The following SDK1 variants were observed in gnomAD, a reference collection of about 807,000 sequenced individuals.
SDK1 encodes protein sidekick-1.
A neutral mutation model predicts 245.5 loss-of-function variants in SDK1; 157 were observed. That is an observed-to-expected ratio of 0.64 (90% CI 0.56 to 0.73). The LOEUF (loss-of-function observed/expected upper bound fraction) is 0.73, where lower values mean the gene tolerates loss of function less well. Among genes scored for constraint, SDK1 ranks in the 30% least tolerant of loss-of-function variants. SDK1 has a pLI of 0.00. For synonymous variants in SDK1, 1,647 were observed against 1,278.5 expected (o/e 1.29, Z -6.15); for missense variants, 3,583 against 3,002.3 (o/e 1.19, Z -4.52).
At position 3,514,043 on chromosome 7, in the gene SDK1, C is replaced by T. The variant is rs567328839; in HGVS notation, c.299-105037C>T. Among the ~76,000 whole-genome samples the T allele has an allele frequency of 3.9e-5, 6 of 152,146 alleles. No individual in the cohort carries two copies. In the South Asian group the frequency reaches 1.2e-3, roughly 32 times the overall value. ...TTATTCAGTCCACCATTGATAGGCA[C>T]CTAGGTTGATTCCATGTCTGTACTG... On this transcript the variant is annotated intron_variant, in intron 1 of 44. Coordinates refer to ENST00000404826, the MANE Select transcript of SDK1 (RefSeq NM_152744.4).
At chr7:4,051,059 A>G (rs1215915169) in intron 18 of SDK1, among the ~76,000 whole-genome samples, 3 of 141,262 alleles carry the variant, frequency 2.1e-5, no homozygotes, top group Non-Finnish European at 4.5e-5. Flanking sequence ...TACTATACAT[A>G]TATATGTTAT....
chr7:4,085,944 A>G (rs1562788492), intron 22 of SDK1, among the ~76,000 whole-genome samples: 1 of 152,242 alleles, frequency 6.6e-6, no homozygotes, highest in Non-Finnish European at 1.5e-5. Flanking sequence ...AAAACTATTT[A>G]AAAAGTGACA....
rs556852695 is a variant in SDK1, at chr7:4,268,027, T to C, written c.*2643T>C. 7.2e-5 allele frequency: 71 copies of C among 985,478 alleles called. No individual in the cohort carries two copies. Among genetic ancestry groups the C allele is most frequent in the Middle Eastern group, 1.0e-3 (2 of 1,914 alleles). 61.0% of individuals were successfully genotyped at this position (985,478 alleles called of 1,614,324 possible). The stretch of plus-strand genomic sequence containing the variant: ...AAAAGAAAATCACAGCCTAGGAAGA[T>C]GGAGGTTGGATTTTAATCTCGGTTT... On this transcript the variant is annotated 3_prime_UTR_variant, in exon 45 of 45. Coordinates refer to ENST00000404826, the MANE Select transcript of SDK1 (RefSeq NM_152744.4).
At chr7:3,797,246 G>T (rs957055347) in intron 4 of SDK1, among the ~76,000 whole-genome samples, 1 of 152,032 alleles carries the variant, frequency 6.6e-6, no homozygotes, top group African/African-American at 2.4e-5. Context: ...GCCTCCCAAA[G>T]TGCTGGGATT....
chr7:3,995,522 CA>C (rs1305534934), intron 14 of SDK1, among the ~76,000 whole-genome samples: 1 of 152,184 alleles, frequency 6.6e-6, no homozygotes, highest in African/African-American at 2.4e-5. Flanking sequence ...CTGAATCAAC[CA>C]ATGGGCAAAC....
At chr7:3,938,391 C>G (rs888744417) in intron 5 of SDK1, among the ~76,000 whole-genome samples, 38 of 151,940 alleles carry the variant, frequency 2.5e-4, no homozygotes, top group African/African-American at 8.5e-4. Context: ...GCCTGTAATC[C>G]CAGCACTTTG....
At position 3,503,917 on chromosome 7, in the gene SDK1, C is replaced by T. The variant is rs145526042; in HGVS notation, c.299-115163C>T. 8.0e-4 allele frequency among the ~76,000 whole-genome samples: 121 copies of T among 151,762 alleles called. 3 individuals carry two copies. The East Asian group carries it at 0.018, about 23-fold the overall frequency. ...CCGTAATCCTAGCACTTTGGGAGGC[C>T]GAGGTGGGCGGATCACGAGGTCAGG... On this transcript the variant is annotated intron_variant, in intron 1 of 44. Coordinates refer to ENST00000404826, the MANE Select transcript of SDK1 (RefSeq NM_152744.4).
chr7:3,787,485 G>C (rs1365807808), intron 4 of SDK1, among the ~76,000 whole-genome samples: 6 of 151,844 alleles, frequency 4.0e-5, no homozygotes, highest in Non-Finnish European at 8.8e-5. Flanking sequence ...TGTAAAAAGA[G>C]GTAAATACCA....
At chr7:4,218,160 T>C (rs940062846) in intron 38 of SDK1, among the ~76,000 whole-genome samples, 1 of 152,126 alleles carries the variant, frequency 6.6e-6, no homozygotes, top group Non-Finnish European at 1.5e-5. Flanking sequence ...TTCCAGCACG[T>C]TGGGAGGCCG....
chr7:3,754,502 T>C (rs1335392995), intron 4 of SDK1, among the ~76,000 whole-genome samples: 1 of 150,720 alleles, frequency 6.6e-6, no homozygotes, highest in African/African-American at 2.5e-5. Flanking sequence ...TCAAGGTCAG[T>C]AACATTGTAT....
At chr7:3,780,661 G>T (rs1439671114) in intron 4 of SDK1, among the ~76,000 whole-genome samples, 1 of 152,198 alleles carries the variant, frequency 6.6e-6, no homozygotes, top group African/African-American at 2.4e-5. Flanking sequence ...GGGAAGCAAA[G>T]GGGCTAGATC....
intron 22 of SDK1, among the ~76,000 whole-genome samples, chr7:4,084,964 T>C (rs993210654): frequency 6.6e-6 from 1 of 152,110 alleles, no homozygotes; most frequent in Non-Finnish European, 1.5e-5. Flanking sequence ...GGTTTCACCA[T>C]GTTGGACCAG....
chr7:3,497,162 C>T (rs1265703395), intron 1 of SDK1, among the ~76,000 whole-genome samples: 1 of 152,124 alleles, frequency 6.6e-6, no homozygotes, highest in African/African-American at 2.4e-5. Context: ...AAGAGAAACT[C>T]TTTTTAGTTA....
Position 4,266,898 on chromosome 7 carries a change from G to T in SDK1, c.*1514G>T, listed in dbSNP as rs769723222. On this transcript the variant is annotated 3_prime_UTR_variant, in exon 45 of 45. Transcript: ENST00000404826. ...AGTGCACGGCAAACGGGCAGGTGCC[G>T]TTCCCCCAGTGACCTGAGGGTAGGG... The T allele has an allele frequency of 4.1e-6, 4 of 985,386 alleles. No homozygotes were observed. The African/African-American group carries it at 7.0e-5, about 17-fold the overall frequency. The allele number at this position is 985,386 out of a possible 1,614,324, so 61.0% of individuals were successfully genotyped here.
chr7:4,254,301 C>G (rs927339802), intron 44 of SDK1, among the ~76,000 whole-genome samples: 1 of 152,096 alleles, frequency 6.6e-6, no homozygotes, highest in African/African-American at 2.4e-5. Context: ...ATCAAAGGCT[C>G]TGTCCATTTT....
At chr7:3,771,971 G>C (rs1006135629) in intron 4 of SDK1, among the ~76,000 whole-genome samples, 2 of 152,108 alleles carry the variant, frequency 1.3e-5, no homozygotes, top group African/African-American at 4.8e-5. Context: ...TTATGAGTTT[G>C]TCTACTCCGT....
intron 4 of SDK1, among the ~76,000 whole-genome samples, chr7:3,801,792 A>C (rs147907585): frequency 3.3e-5 from 5 of 152,086 alleles, no homozygotes; most frequent in Non-Finnish European, 5.9e-5. Flanking sequence ...TTGCACTTGG[A>C]GCTCTCTTCT....
chr7:3,373,558 A>G (rs1190119182), intron 1 of SDK1, among the ~76,000 whole-genome samples: 1 of 152,088 alleles, frequency 6.6e-6, no homozygotes, highest in Non-Finnish European at 1.5e-5. Context: ...AGTCAACATC[A>G]TTTATGACAG....
chr7:3,685,500 G>A (rs954701479), intron 4 of SDK1, among the ~76,000 whole-genome samples: 32 of 152,066 alleles, frequency 2.1e-4, no homozygotes, highest in East Asian at 5.8e-4. Context: ...ATAAAAACCC[G>A]GACTTTAGAA....
Sources: allele counts gnomAD v4.1 joint callset (sites outside exome capture counted in the v4.1 genomes callset), GRCh38; gene constraint gnomAD v4.1.1; transcripts MANE v1.5; gene names NCBI Gene and HGNC (gene_info 2026-07-23, HGNC 2026-07-21).